Variants in LAMB4 observed in about 807,000 individuals in gnomAD.
LAMB4 encodes the protein laminin subunit beta 4.
LAMB4 carries 196 observed loss-of-function variants against 199.2 expected under a neutral mutation model. The observed-to-expected ratio is 0.98, with a 90% confidence interval of 0.88 to 1.11. The LOEUF is 1.11. LAMB4 is among the 50% of genes least tolerant of loss of function. The probability of loss-of-function intolerance (pLI) is 0.00; values close to 1 mark genes in which losing one functional copy is unlikely to be tolerated. For synonymous variants in LAMB4, 744 were observed against 770.6 expected (o/e 0.97, Z 0.57); for missense variants, 2,080 against 2,171.2 (o/e 0.96, Z 0.83).
chr7:108,024,714 GATCCATCC>G (rs772231270), intron 33 of LAMB4, among the ~76,000 whole-genome samples: 1 of 151,090 alleles, frequency 6.6e-6, no homozygotes, highest in Non-Finnish European at 1.5e-5. Flanking sequence ...TCGATCCATT[GATCCATCC>G]ATCCATCCAT....
the LAMB4 span, among the ~76,000 whole-genome samples, chr7:108,015,844 C>T: frequency 1.4e-5 from 2 of 146,666 alleles, no homozygotes; most frequent in East Asian, 4.1e-4. Context: ...GTTGGCTAAT[C>T]TCAAGAAACA....
chr7:108,111,356 G>A (rs1248467020), intron 4 of LAMB4, among the ~76,000 whole-genome samples: 1 of 152,206 alleles, frequency 6.6e-6, no homozygotes, highest in Non-Finnish European at 1.5e-5. Flanking sequence ...TTTTACTTTG[G>A]CTTACAGTAA....
chr7:108,064,055 T>G (rs2036256609), intron 21 of LAMB4, 70 bp from the exon 22 acceptor site: 1 of 1,119,850 alleles, frequency 8.9e-7, no homozygotes, highest in Non-Finnish European at 1.4e-6. Flanking sequence ...AGATGGATGT[T>G]GTAAATAGAA....
At chr7:108,024,207 T>C in intron 33 of LAMB4, 29 bp from the exon 34 acceptor site, 1 of 1,383,282 alleles carries the variant, frequency 7.2e-7, no homozygotes, top group Non-Finnish European at 9.9e-7. Context: ...AGAAATGATA[T>C]ATTTCCATTT....
At chr7:108,091,920 G>A (rs2037420968) in intron 13 of LAMB4, 144 bp from the exon 14 acceptor site, 1 of 822,982 alleles carries the variant, frequency 1.2e-6, no homozygotes, top group Non-Finnish European at 1.9e-6. Context: ...GATGCAGAAA[G>A]GCCATGGGTT....
intron 29 of LAMB4, among the ~76,000 whole-genome samples, chr7:108,041,890 T>TA (rs958502758): frequency 9.2e-5 from 14 of 151,556 alleles, no homozygotes; most frequent in East Asian, 7.7e-4. Flanking sequence ...ACTTAAAAGT[T>TA]AAAAAAAAAG....
intron 19 of LAMB4, 95 bp downstream of exon 19, chr7:108,067,921 C>A: frequency 6.8e-7 from 1 of 1,465,190 alleles, no homozygotes. Context: ...GGTTTCCAAT[C>A]TCCTTCCCAT....
At chr7:108,130,149 G>A (rs2038928371) in intron 1 of LAMB4, among the ~76,000 whole-genome samples, 157 bp downstream of exon 1, 1 of 152,296 alleles carries the variant, frequency 6.6e-6, no homozygotes, top group Non-Finnish European at 1.5e-5. Flanking sequence ...TTATTTAAGT[G>A]TCATTGGACT....
chr7:108,023,057 G>A (rs1007786686), downstream of LAMB4, among the ~76,000 whole-genome samples: 5 of 152,026 alleles, frequency 3.3e-5, no homozygotes, highest in East Asian at 1.9e-4. Flanking sequence ...CAGATGATCC[G>A]CCTTCCTTGG....
chr7:108,105,863 C>A lies in LAMB4; in HGVS notation c.824G>T (p.Arg275Leu), dbSNP rs371458946. ...ATCTCCCCGCATCTTCTGCATAGGG[C>A]GACATTCGCTAGCATGGCCATTGCA... ...CFCNGHASEC[R>L]PMQKMRGDVF... is the part of the protein sequence containing the mutation. The change falls in exon 8 of 34, where the codon CGC (arginine) becomes CTC (leucine). Residue 275 changes from arginine to leucine, a missense_variant. Arg to Leu is a moderately radical substitution (Grantham distance 102). Coordinates refer to ENST00000388781, the MANE Select transcript of LAMB4 (RefSeq NM_007356.3). 3 of 1,614,210 alleles carry A rather than the reference C, an allele frequency of 1.9e-6. No homozygotes were observed. Among genetic ancestry groups the A allele is most frequent in the East Asian group, 2.2e-5 (1 of 44,888 alleles).
chr7:108,090,055 A>G (rs150887190), intron 14 of LAMB4, among the ~76,000 whole-genome samples: 1 of 152,268 alleles, frequency 6.6e-6, no homozygotes, highest in African/African-American at 2.4e-5. Flanking sequence ...TGAGTGACTT[A>G]CCTAACCTCT....
chr7:108,115,477 TG>T (rs2038373091), intron 3 of LAMB4, among the ~76,000 whole-genome samples: 1 of 152,176 alleles, frequency 6.6e-6, no homozygotes, highest in South Asian at 2.1e-4. Flanking sequence ...GAGATCAGCC[TG>T]GGCAACATAG....
Position 108,062,818 on chromosome 7 carries a change from A to G in LAMB4, c.3238T>C (p.Cys1080Arg), listed in dbSNP as rs1227875027. The G allele has an allele frequency of 3.2e-6, 5 of 1,540,534 alleles. No homozygotes were observed. Among genetic ancestry groups the G allele is most frequent in the Non-Finnish European group, 4.4e-6 (5 of 1,144,528 alleles). ...NLVPGRGCQSCDCDPRTSQSS... is the reference protein window; with the variant it reads ...NLVPGRGCQSRDCDPRTSQSS... ...TGAGAGGTCCTAGGGTCACAGTCAC[A>G]TGACTGACATCCTCTGCCAGGGACC... Residue 1080 changes from cysteine to arginine, a missense_variant, in exon 23 of 34, where the codon TGT becomes CGT. Transcript: ENST00000388781.
chr7:108,108,556 G>A (rs893113541), intron 5 of LAMB4, among the ~76,000 whole-genome samples: 7 of 151,660 alleles, frequency 4.6e-5, no homozygotes, highest in Non-Finnish European at 8.8e-5. Flanking sequence ...CAATCATCCC[G>A]CTAATTCTGT....
intron 2 of LAMB4, 35 bp downstream of exon 2, chr7:108,123,096 C>T: frequency 6.3e-7 from 1 of 1,581,562 alleles, no homozygotes; most frequent in Non-Finnish European, 8.6e-7. Context: ...TAGGACAGCG[C>T]AAGCAGTAAA....
At chr7:108,040,612 C>T (rs1409459354) in intron 29 of LAMB4, among the ~76,000 whole-genome samples, 1 of 152,130 alleles carries the variant, frequency 6.6e-6, no homozygotes, top group Non-Finnish European at 1.5e-5. Context: ...GGCCACACAT[C>T]TAGAACTATC....
chr7:108,064,701 A>G (rs1337025366), intron 21 of LAMB4, among the ~76,000 whole-genome samples: 2 of 152,170 alleles, frequency 1.3e-5, no homozygotes, highest in African/African-American at 4.8e-5. Context: ...AAGAGGCTGC[A>G]AGGGAAGAGG....
intron 6 of LAMB4, among the ~76,000 whole-genome samples, chr7:108,107,210 CA>C (rs935842004): frequency 2.0e-5 from 3 of 152,220 alleles, no homozygotes; most frequent in Non-Finnish European, 4.4e-5. Context: ...CAATCCCACT[CA>C]CTCCAACCTT....
intron 1 of LAMB4, among the ~76,000 whole-genome samples, chr7:108,129,539 CTTTT>C (rs746971932): frequency 7.1e-6 from 1 of 141,516 alleles, no homozygotes; most frequent in African/African-American, 2.6e-5. Flanking sequence ...ATAAAGTTTA[CTTTT>C]TTTTTTTTTT....
Sources: gnomAD v4.1 joint callset for allele counts (sites outside exome capture counted in the v4.1 genomes callset) on GRCh38, gnomAD v4.1.1 for gene constraint, MANE v1.5 for transcripts, NCBI Gene and HGNC (gene_info 2026-07-23, HGNC 2026-07-21) for gene names.